Variants in NATD1 observed in about 807,000 individuals in gnomAD.
NATD1 encodes protein NATD1.
NATD1 carries 9 observed loss-of-function variants against 12.0 expected under a neutral mutation model. The ratio of observed to expected loss-of-function variants is 0.75; its 90% CI spans 0.45 to 1.30. The LOEUF (loss-of-function observed/expected upper bound fraction) is 1.30, where lower values mean the gene tolerates loss of function less well. NATD1 is among the 50% of genes most tolerant of loss of function. The pLI is 0.00. For missense variants in NATD1, 148 were observed against 148.5 expected (o/e 1.00, Z 0.02); for synonymous variants, 71 against 65.9 (o/e 1.08, Z -0.37).
Position 21,240,205 on chromosome 17 carries a change from C to G in NATD1, c.*3108G>C, listed in dbSNP as rs373267133. 1 of 152,414 alleles carries G rather than the reference C, an allele frequency of 6.6e-6. No individual in the cohort carries two copies. Among genetic ancestry groups the G allele is most frequent in the African/African-American group, 2.4e-5 (1 of 41,458 alleles). The allele number at this position is 152,414 out of a possible 1,614,324, so 9.4% of individuals were successfully genotyped here. A position where few individuals can be genotyped will look rare whatever the true frequency, so the allele number is the denominator to read the frequency against. On this transcript the variant is annotated 3_prime_UTR_variant, in exon 3 of 3. Coordinates refer to ENST00000611551, the MANE Select transcript of NATD1 (RefSeq NM_152914.3). ...ACTGTGGTGTGGGGGCTGGGCCAGC[C>G]GGGAAGGTAGAGCCGCCCAGACTGG...
rs150521942 is a variant in NATD1, at chr17:21,244,601, C to T, written c.107-377G>A. On this transcript the variant is annotated intron_variant, in intron 1 of 2. Transcript: ENST00000611551. This position sits in a 1 kb window ranked among gnomAD's most constrained non-coding sequence, Gnocchi z 5.2. ...GATCTGGGAGTCCCAGAACCCAGCA[C>T]TGGACACAGAACAGGGCTCAGCAAA... is the stretch of plus-strand genomic sequence containing the variant. 5.2e-4 allele frequency among the ~76,000 whole-genome samples: 79 copies of T among 152,270 alleles called. No individual in the cohort carries two copies. The highest frequency in any genetic ancestry group is 3.4e-3 in the Middle Eastern group (1 of 294).
chr17:21,244,090 C>T lies in NATD1; in HGVS notation c.225+16G>A, dbSNP rs1159982875. The T allele has an allele frequency of 2.6e-5, 42 of 1,602,650 alleles. No homozygotes were observed. The East Asian group carries it at 7.8e-4, about 30-fold the overall frequency. ...TGTCCCCGTCCCCGCTTGGCCCTGC[C>T]ACCTGCCTGCCCTACCTTGGCAAGG... On this transcript the variant is annotated intron_variant, in intron 2 of 2. Coordinates refer to ENST00000611551, the MANE Select transcript of NATD1 (RefSeq NM_152914.3). The surrounding 1 kb of genome is among the most constrained non-coding windows in gnomAD (Gnocchi z 5.2).
rs1315688493 is a variant in NATD1, at chr17:21,239,437, T to TATCA, written c.*3872_*3875dup. On this transcript the variant is annotated 3_prime_UTR_variant, in exon 3 of 3. Coordinates refer to ENST00000611551, the MANE Select transcript of NATD1 (RefSeq NM_152914.3). ...CCCCCGACTCAGCCTCAGTATCATC[T>TATCA]ATCAAATAGGCCTAATAATGGGCAT... 1 of 151,760 alleles carries TATCA rather than the reference T, an allele frequency of 6.6e-6. No individual in the cohort carries two copies. Among genetic ancestry groups the TATCA allele is most frequent in the Non-Finnish European group, 1.5e-5 (1 of 68,070 alleles). The allele number at this position is 151,760 out of a possible 1,614,324, so 9.4% of individuals were successfully genotyped here.
Position 21,239,190 on chromosome 17 carries a change from A to G in NATD1, c.*4123T>C, listed in dbSNP as rs1379192765. On this transcript the variant is annotated 3_prime_UTR_variant, in exon 3 of 3. Transcript: ENST00000611551. ...TCACAGGCAATTCAGCCTTCTCCAC[A>G]CTGGCCCGGCACTGGCTAGCTGCTC... is the stretch of plus-strand genomic sequence containing the variant. 1 of 152,128 alleles carries G rather than the reference A, an allele frequency of 6.6e-6. No individual in the cohort carries two copies. Among genetic ancestry groups the G allele is most frequent in the East Asian group, 1.9e-4 (1 of 5,184 alleles). 9.4% of individuals were successfully genotyped at this position (152,128 alleles called of 1,614,324 possible).
Position 21,244,642 on chromosome 17 carries a change from G to A in NATD1, c.107-418C>T, listed in dbSNP as rs1303192107. 6.6e-6 allele frequency among the ~76,000 whole-genome samples: 1 copy of A among 152,190 alleles called. No individual in the cohort carries two copies. The highest frequency in any genetic ancestry group is 1.9e-4 in the East Asian group (1 of 5,194). Reference sequence around the variant, plus strand: ...GCTCAGCAAATCTGCAACTAAGGCAGAGCATGAAGAGATTAGAGAGGCAGC... The same window carrying A: ...GCTCAGCAAATCTGCAACTAAGGCAAAGCATGAAGAGATTAGAGAGGCAGC... On this transcript the variant is annotated intron_variant, in intron 1 of 2. Coordinates refer to ENST00000611551, the MANE Select transcript of NATD1 (RefSeq NM_152914.3). The surrounding 1 kb of genome is among the most constrained non-coding windows in gnomAD (Gnocchi z 5.2).
chr17:21,252,560 C>G (rs1975386972), intron 1 of NATD1, among the ~76,000 whole-genome samples: 1 of 152,174 alleles, frequency 6.6e-6, no homozygotes, highest in Non-Finnish European at 1.5e-5. Flanking sequence ...CCACTGAAGT[C>G]TTGATAGTGA....
In NATD1 at chr17:21,242,415, T is replaced by C. The variant is rs1018252033; in HGVS notation, c.*898A>G. The C allele has an allele frequency of 2.6e-5, 4 of 152,248 alleles. No individual in the cohort carries two copies. Among genetic ancestry groups the C allele is most frequent in the Non-Finnish European group, 5.9e-5 (4 of 68,064 alleles). 9.4% of individuals were successfully genotyped at this position (152,248 alleles called of 1,614,324 possible). The stretch of plus-strand genomic sequence containing the variant: ...TCCTCTTGGATGCTGAGGGTGGTTT[T>C]TGGAGAATAGTCAGCTTCACTCCCA... On this transcript the variant is annotated 3_prime_UTR_variant, in exon 3 of 3. Transcript: ENST00000611551.
At chr17:21,243,809 C>G (rs1370304532) in intron 2 of NATD1, among the ~76,000 whole-genome samples, 1 of 152,166 alleles carries the variant, frequency 6.6e-6, no homozygotes, top group Admixed American at 6.5e-5. Context: ...TAAGCCCAAA[C>G]CTGCTCTCCA....
Position 21,243,378 on chromosome 17 carries a change from A to G in NATD1, c.277T>C (p.Trp93Arg), listed in dbSNP as rs1164629729. The G allele has an allele frequency of 1.1e-5, 17 of 1,613,566 alleles. No homozygotes were observed. Among genetic ancestry groups the G allele is most frequent in the Non-Finnish European group, 1.4e-5 (16 of 1,179,954 alleles). ...TCCTTGACGTACTTCTGGATGTACC[A>G]GCAGGTGAGATGGGCCTTCAGGTCC... is the stretch of plus-strand genomic sequence containing the variant. Reference protein sequence around the residue: ...EEDLKAHLTCWYIQKYVKENP... With the variant: ...EEDLKAHLTCRYIQKYVKENP... Residue 93 changes from tryptophan (W) to arginine (R), a missense_variant, in exon 3 of 3, where the codon TGG (tryptophan) becomes CGG (arginine). Trp to Arg is a moderately radical substitution (Grantham distance 101). Coordinates refer to ENST00000611551, the MANE Select transcript of NATD1 (RefSeq NM_152914.3).
chr17:21,249,430 C>G (rs1416818471), intron 1 of NATD1, among the ~76,000 whole-genome samples: 1 of 152,166 alleles, frequency 6.6e-6, no homozygotes, highest in Non-Finnish European at 1.5e-5. Context: ...CCATACGTCC[C>G]TCCCCTCCCC....
rs1975286194 is a variant in NATD1, at chr17:21,242,652, C to A, written c.*661G>T. The A allele has an allele frequency of 6.5e-6, 1 of 152,934 alleles. No homozygotes were observed. Among genetic ancestry groups the A allele is most frequent in the Non-Finnish European group, 1.5e-5 (1 of 68,644 alleles). The allele number at this position is 152,934 out of a possible 1,614,324, so 9.5% of individuals were successfully genotyped here. On this transcript the variant is annotated 3_prime_UTR_variant, in exon 3 of 3. Transcript: ENST00000611551. ...GGGGGTACCAAGGAGAGGAAAACAC[C>A]CCCGGCACCCACCACCAGCCCGCCT...
rs765421109 is a variant in NATD1, at chr17:21,244,271, C to T, written c.107-47G>A. 4.2e-5 allele frequency: 65 copies of T among 1,533,040 alleles called. No homozygotes were observed. Among genetic ancestry groups the T allele is most frequent in the Non-Finnish European group, 4.8e-5 (54 of 1,122,816 alleles). The allele number at this position is 1,533,040 out of a possible 1,614,324, so 95.0% of individuals were successfully genotyped here. ...AAGCCTATGCTGACTCCCATCCCAG[C>T]GGACTCAGGCACCAAGACGGGTGGA... On this transcript the variant is annotated intron_variant, in intron 1 of 2. Coordinates refer to ENST00000611551, the MANE Select transcript of NATD1 (RefSeq NM_152914.3). This position sits in a 1 kb window ranked among gnomAD's most constrained non-coding sequence, Gnocchi z 5.2.
At position 21,240,424 on chromosome 17, in the gene NATD1, C is replaced by A. The variant is rs548300106; in HGVS notation, c.*2889G>T. On this transcript the variant is annotated 3_prime_UTR_variant, in exon 3 of 3. Coordinates refer to ENST00000611551, the MANE Select transcript of NATD1 (RefSeq NM_152914.3). ...CCAGTTAAGGCTGACCGGCAGGTTG[C>A]TGTGGGGGAAGCGACAGCGTGCAGA... 6.6e-6 allele frequency: 1 copy of A among 152,486 alleles called. No homozygotes were observed. The highest frequency in any genetic ancestry group is 1.5e-5 in the Non-Finnish European group (1 of 68,098). 9.4% of individuals were successfully genotyped at this position (152,486 alleles called of 1,614,324 possible).
rs755635937 is a variant in NATD1, at chr17:21,244,190, G to A, written c.141C>T (p.Tyr47=). 8.7e-6 allele frequency: 14 copies of A among 1,613,072 alleles called. No individual in the cohort carries two copies. Among genetic ancestry groups the A allele is most frequent in the Admixed American group, 5.0e-5 (3 of 59,966 alleles). ...GCAGGTCCACGATCCGCTTGCCCAC[G>A]TACTCATAGAGCAGGACGGCCCGGT... is the stretch of plus-strand genomic sequence containing the variant. ...CHDRAVLLYE[Y]VGKRIVDLQH... is the part of the protein sequence containing the mutation. Residue 47 remains tyrosine (Y), a synonymous_variant, in exon 2 of 3, where the codon TAC becomes TAT. Coordinates refer to ENST00000611551, the MANE Select transcript of NATD1 (RefSeq NM_152914.3). This position sits in a 1 kb window ranked among gnomAD's most constrained non-coding sequence, Gnocchi z 5.2.
rs542307844 is a variant in NATD1 at position 21,242,869 on chromosome 17, G to A, written c.*444C>T. ...GTGGGGTCTGGCACTGCCACCCTCA[G>A]AAGCTGGCACACGAGGTTTCTTATT... is the stretch of plus-strand genomic sequence containing the variant. On this transcript the variant is annotated 3_prime_UTR_variant, in exon 3 of 3. Transcript: ENST00000611551. The A allele has an allele frequency of 6.5e-4, 103 of 157,654 alleles. 1 individual carries two copies. The highest frequency in any genetic ancestry group is 4.0e-3 in the Admixed American group (66 of 16,436). The allele number at this position is 157,654 out of a possible 1,614,324, so 9.8% of individuals were successfully genotyped here.
In NATD1 at chr17:21,253,317, A is replaced by T; in HGVS notation, c.-53T>A. 1.2e-6 allele frequency: 1 copy of T among 814,068 alleles called. No homozygotes were observed. The highest frequency in any genetic ancestry group is 1.5e-6 in the Non-Finnish European group (1 of 675,436). 50.4% of individuals were successfully genotyped at this position (814,068 alleles called of 1,614,324 possible). On this transcript the variant is annotated 5_prime_UTR_variant, in exon 1 of 3. Coordinates refer to ENST00000611551, the MANE Select transcript of NATD1 (RefSeq NM_152914.3). ...GGCGGGGGCCGGGGCGCGCGGGGAAAGGTCAGGCGCGCGGCGGGGCTGGAG... is the reference window on the plus strand; with the variant it reads ...GGCGGGGGCCGGGGCGCGCGGGGAATGGTCAGGCGCGCGGCGGGGCTGGAG...
intron 1 of NATD1, among the ~76,000 whole-genome samples, chr17:21,247,481 AC>A (rs1975336024): frequency 6.6e-6 from 1 of 152,164 alleles, no homozygotes; most frequent in African/African-American, 2.4e-5. Context: ...GATCCTCACA[AC>A]CATCCCACTA....
rs1024639490 is a variant in NATD1, at chr17:21,242,610, G to A, written c.*703C>T. On this transcript the variant is annotated 3_prime_UTR_variant, in exon 3 of 3. Coordinates refer to ENST00000611551, the MANE Select transcript of NATD1 (RefSeq NM_152914.3). ...TTGGTTTCCTGCAGAACCTACACGA[G>A]AGGCCAAAAAAAAGATGGGGGTACC... The A allele has an allele frequency of 1.3e-5, 2 of 152,620 alleles. No individual in the cohort carries two copies. Among genetic ancestry groups the A allele is most frequent in the South Asian group, 4.1e-4 (2 of 4,854 alleles). 9.5% of individuals were successfully genotyped at this position (152,620 alleles called of 1,614,324 possible).
chr17:21,239,238 C>T lies in NATD1; in HGVS notation c.*4075G>A, dbSNP rs891736997. 5 of 5,430 alleles carry T rather than the reference C, an allele frequency of 9.2e-4. No individual in the cohort carries two copies. In the African/African-American group the frequency reaches 0.021, roughly 23 times the overall value. The allele number at this position is 5,430 out of a possible 1,614,324, so 0.3% of individuals were successfully genotyped here. On this transcript the variant is annotated 3_prime_UTR_variant, in exon 3 of 3. Coordinates refer to ENST00000611551, the MANE Select transcript of NATD1 (RefSeq NM_152914.3). ...CTCACCTTATGGCTCGAGGCAGGAC[C>T]CCCCCGCAGCCTTGCAGCTGAGTGG...
Sources: gnomAD v4.1 joint callset for allele counts (sites outside exome capture counted in the v4.1 genomes callset) on GRCh38, gnomAD v4.1.1 for gene constraint, Gnocchi (gnomAD v3.1) non-coding constraint, MANE v1.5 for transcripts, NCBI Gene and HGNC (gene_info 2026-07-23, HGNC 2026-07-21) for gene names.